Variants in ARRB1 observed in about 807,000 individuals in gnomAD.
ARRB1 encodes the protein beta-arrestin-1.
In ARRB1, 21 loss-of-function variants were observed where a neutral mutation model predicts 56.8. The observed-to-expected ratio is 0.37, with a 90% CI of 0.26 to 0.53. ARRB1 has a LOEUF of 0.53. Among genes scored for constraint, ARRB1 ranks in the 20% least tolerant of loss-of-function variants. The pLI, the probability that ARRB1 is intolerant of heterozygous loss-of-function variation, is 0.88. For synonymous variants in ARRB1, 210 were observed against 218.6 expected, an observed-to-expected ratio of 0.96 and a Z score of 0.35; for missense variants, 424 against 553.7, an observed-to-expected ratio of 0.77 and a Z score of 2.35.
chr11:75,286,791 G>C (rs573584496), intron 3 of ARRB1, among the ~76,000 whole-genome samples: 2 of 152,318 alleles, frequency 1.3e-5, no homozygotes, highest in South Asian at 4.1e-4. Flanking sequence ...GGAACCCCAT[G>C]TACATGAGGA....
At chr11:75,300,518 G>A (rs1012716228) in intron 1 of ARRB1, among the ~76,000 whole-genome samples, 11 of 152,142 alleles carry the variant, frequency 7.2e-5, no homozygotes, top group South Asian at 2.1e-4. Context: ...GGGATTATGT[G>A]GTTCTGTCTG....
At chr11:75,270,402 G>A (rs898441644) in intron 13 of ARRB1, among the ~76,000 whole-genome samples, 2 of 152,178 alleles carry the variant, frequency 1.3e-5, no homozygotes, top group African/African-American at 4.8e-5. Flanking sequence ...GGCCGAGGCG[G>A]GTGGATCATG....
At chr11:75,327,081 G>C (rs59342845) in intron 1 of ARRB1, among the ~76,000 whole-genome samples, 1 of 151,932 alleles carries the variant, frequency 6.6e-6, no homozygotes, top group Admixed American at 6.5e-5. Context: ...TTGGGAGGCC[G>C]AGGCGGGCGG....
At chr11:75,312,071 T>C in intron 1 of ARRB1, 1 of 1,289,392 alleles carries the variant, frequency 7.8e-7, no homozygotes, top group Non-Finnish European at 1.0e-6. Context: ...CCTCAGCCTC[T>C]CCCGCTGCAA....
intron 1 of ARRB1, among the ~76,000 whole-genome samples, chr11:75,333,774 T>C (rs1947556700): frequency 6.6e-6 from 1 of 152,134 alleles, no homozygotes. Context: ...CCGGACATCA[T>C]GTTTGTTCTT....
chr11:75,271,181 A>C (rs548387222), intron 13 of ARRB1: 7 of 152,508 alleles, frequency 4.6e-5, no homozygotes, highest in African/African-American at 1.7e-4. Context: ...TTAGTTTAAG[A>C]TTTCTTAGGA....
intron 1 of ARRB1, among the ~76,000 whole-genome samples, chr11:75,338,784 T>C (rs763804443): frequency 3.9e-5 from 6 of 152,140 alleles, no homozygotes; most frequent in Non-Finnish European, 8.8e-5. Context: ...ATTTTTAGAA[T>C]GTCAAAAAAA....
rs1257307388 is a variant in ARRB1, at chr11:75,274,156, G to C, written c.832C>G (p.Leu278Val). 6.2e-7 allele frequency: 1 copy of C among 1,614,114 alleles called. No individual in the cohort carries two copies. Among genetic ancestry groups the C allele is most frequent in the Non-Finnish European group, 8.5e-7 (1 of 1,180,052 alleles). Residue 278 changes from leucine to valine, a missense_variant, in exon 11 of 16, where the codon CTA becomes GTA. By Grantham distance (32) the Leu-to-Val change is conservative (BLOSUM62 1). Around this residue, in one of 3 missense-constraint regions of ARRB1, gnomAD observed 301 missense variants for 387.9 expected, o/e 0.78. Transcript: ENST00000420843. The stretch of plus-strand genomic sequence containing the variant: ...CCCCGCTTCTCTCGGTTATTGGCTA[G>C]GAAGGGGGTCAGTGTGTAGACCTTG... ...FCKVYTLTPF[L>V]ANNREKRGLA... is the part of the protein sequence containing the mutation.
chr11:75,302,664 C>A (rs1242140908), intron 1 of ARRB1, among the ~76,000 whole-genome samples: 1 of 152,214 alleles, frequency 6.6e-6, no homozygotes, highest in African/African-American at 2.4e-5. Context: ...GAAGGCTCAG[C>A]TTCCTTCGCC....
chr11:75,326,767 A>C (rs1397957732), intron 1 of ARRB1, among the ~76,000 whole-genome samples: 6 of 131,068 alleles, frequency 4.6e-5, no homozygotes, highest in Non-Finnish European at 6.3e-5. Flanking sequence ...ACTCCAGCCC[A>C]GGCTAGAGTG....
Position 75,265,848 on chromosome 11 carries a change from C to A in ARRB1, c.*315G>T, listed in dbSNP as rs968476912. On this transcript the variant is annotated 3_prime_UTR_variant, in exon 16 of 16. Transcript: ENST00000420843. Reference sequence around the variant, plus strand: ...CACCGTGTCCCACATTCCCCATCCTCCCCTGTCTGCTCCCCATCTCAAGTC... The same window carrying A: ...CACCGTGTCCCACATTCCCCATCCTACCCTGTCTGCTCCCCATCTCAAGTC... 4.3e-5 allele frequency: 17 copies of A among 393,642 alleles called. No individual in the cohort carries two copies. In the Admixed American group the frequency reaches 6.1e-4, roughly 14 times the overall value. 24.4% of individuals were successfully genotyped at this position (393,642 alleles called of 1,614,324 possible).
intron 1 of ARRB1, among the ~76,000 whole-genome samples, chr11:75,326,499 A>G (rs1947435569): frequency 6.6e-6 from 1 of 152,114 alleles, no homozygotes; most frequent in Non-Finnish European, 1.5e-5. Context: ...AGACAGGGAA[A>G]CTGAAACAGA....
chr11:75,293,763 G>C (rs1359766510), intron 1 of ARRB1, among the ~76,000 whole-genome samples: 1 of 152,166 alleles, frequency 6.6e-6, no homozygotes, highest in Admixed American at 6.5e-5. Context: ...GTTATAAGAA[G>C]GCAAAATTCT....
intron 1 of ARRB1, 119 bp downstream of exon 1, chr11:75,351,469 T>C (rs1947850369): frequency 7.1e-7 from 1 of 1,414,420 alleles, no homozygotes; most frequent in South Asian, 1.3e-5. Context: ...GGAGGAGAGC[T>C]GGTACTAGAT....
intron 1 of ARRB1, among the ~76,000 whole-genome samples, chr11:75,317,542 C>T (rs1947284251): frequency 6.6e-6 from 1 of 152,198 alleles, no homozygotes; most frequent in Non-Finnish European, 1.5e-5. Flanking sequence ...CAGACAATCT[C>T]CTGTGCCTGC....
At position 75,287,690 on chromosome 11, in the gene ARRB1, A is replaced by G. The variant is rs140943182; in HGVS notation, c.52-315T>C. ...ACTGCCAGTGGAGCAGCAGCGGCAG[A>G]GAAGCTGGGTGAGTGGGAGTGTGGG... On this transcript the variant is annotated intron_variant, in intron 2 of 15. Coordinates refer to ENST00000420843, the MANE Select transcript of ARRB1 (RefSeq NM_004041.5). 1.5e-3 allele frequency among the ~76,000 whole-genome samples: 234 copies of G among 152,342 alleles called. 2 individuals are homozygous for G. The highest frequency in any genetic ancestry group is 5.5e-3 in the African/African-American group (229 of 41,580).
intron 1 of ARRB1, among the ~76,000 whole-genome samples, chr11:75,290,937 TG>T (rs1202730015): frequency 6.6e-6 from 1 of 152,190 alleles, no homozygotes; most frequent in Admixed American, 6.5e-5. Context: ...ACACATATTT[TG>T]CTTGTTTATT....
intron 1 of ARRB1, among the ~76,000 whole-genome samples, chr11:75,292,005 C>T (rs917467440): frequency 2.6e-5 from 4 of 152,200 alleles, no homozygotes; most frequent in Non-Finnish European, 5.9e-5. Flanking sequence ...CTGGCCCTGC[C>T]CACCCTCACC....
At chr11:75,271,839 G>T in intron 12 of ARRB1, 115 bp from the exon 13 acceptor site, 1 of 1,141,472 alleles carries the variant, frequency 8.8e-7, no homozygotes, top group Non-Finnish European at 1.2e-6. Flanking sequence ...AAGACCCACG[G>T]GACACACTCC....
Sources: gnomAD v4.1 joint callset for allele counts (sites outside exome capture counted in the v4.1 genomes callset) on GRCh38, gnomAD v4.1.1 for gene constraint, gnomAD v4.1.1 regional missense constraint, MANE v1.5 for transcripts, NCBI Gene and HGNC (gene_info 2026-07-23, HGNC 2026-07-21) for gene names.